Variants in SCP2 observed in about 807,000 individuals in gnomAD.
SCP2 encodes sterol carrier protein 2.
Under a neutral mutation model 71.4 loss-of-function variants are expected in SCP2, and 48 were observed. The ratio of observed to expected loss-of-function variants is 0.67; its 90% confidence interval spans 0.53 to 0.86. SCP2 has a LOEUF of 0.86. SCP2 is among the 40% of genes least tolerant of loss of function. SCP2 has a pLI of 0.00. For synonymous variants in SCP2, 220 were observed against 218.1 expected (o/e 1.01, Z -0.08); for missense variants, 560 against 655.6 (o/e 0.85, Z 1.59).
chr1:52,994,387 C>A, intron 11 of SCP2: 1 of 608,458 alleles, frequency 1.6e-6, no homozygotes, highest in Non-Finnish European at 2.1e-6. Context: ...ACTTTTTTCT[C>A]TTCTGAAATA....
chr1:52,927,390 T>C lies in SCP2; in HGVS notation c.-7T>C. The C allele has an allele frequency of 1.3e-6, 2 of 1,584,770 alleles. No homozygotes were observed. The highest frequency in any genetic ancestry group is 1.7e-6 in the Non-Finnish European group (2 of 1,166,730). Reference sequence around the variant, plus strand: ...GGCGCCCGCCCCGGTCCCGCACTGGTGCAGCCATGTCCTCTTCCCCGTGGG... The same window carrying C: ...GGCGCCCGCCCCGGTCCCGCACTGGCGCAGCCATGTCCTCTTCCCCGTGGG... On this transcript the variant is annotated 5_prime_UTR_variant, in exon 1 of 16. Transcript: ENST00000371514.
At chr1:53,046,962 T>C (rs1663860851) in intron 14 of SCP2, among the ~76,000 whole-genome samples, 1 of 152,232 alleles carries the variant, frequency 6.6e-6, no homozygotes, top group Non-Finnish European at 1.5e-5. Context: ...GAGGACAGCT[T>C]AGCTGGGTCC....
At chr1:52,950,725 C>A in intron 3 of SCP2, 30 bp from the exon 4 acceptor site, 1 of 1,596,664 alleles carries the variant, frequency 6.3e-7, no homozygotes, top group South Asian at 1.1e-5. Flanking sequence ...CCATAATTCT[C>A]CATATTAAAA....
intron 6 of SCP2, among the ~76,000 whole-genome samples, chr1:52,965,827 T>G (rs954052548): frequency 6.0e-5 from 9 of 150,644 alleles, no homozygotes; most frequent in Non-Finnish European, 1.2e-4. Context: ...TTTTTTTTTA[T>G]TAGAGACCTG....
chr1:52,997,100 T>C (rs1038978269), intron 11 of SCP2, among the ~76,000 whole-genome samples: 1 of 152,258 alleles, frequency 6.6e-6, no homozygotes, highest in Non-Finnish European at 1.5e-5. Flanking sequence ...TTATTCATAA[T>C]AGTCAAAAGC....
intron 5 of SCP2, among the ~76,000 whole-genome samples, chr1:52,960,484 G>A (rs200098542): frequency 1.1e-3 from 48 of 41,784 alleles, no homozygotes; most frequent in East Asian, 7.4e-3. Context: ...ATGTATATGT[G>A]TGTGTGTGTG....
rs139280584 is a variant in SCP2, at chr1:52,961,469, C to G, written c.397-34C>G. On this transcript the variant is annotated intron_variant, in intron 5 of 15. Coordinates refer to ENST00000371514, the MANE Select transcript of SCP2 (RefSeq NM_002979.5). ...GTTTTGAAAGAGACACTTATCATGT[C>G]AGCTGCTTATGAAATTTTGTTCCCC... 1,035 of 1,611,142 alleles carry G rather than the reference C, an allele frequency of 6.4e-4. 15 individuals carry two copies. In the East Asian group the frequency reaches 0.021, roughly 32 times the overall value.
chr1:52,986,892 G>A (rs778475251), intron 10 of SCP2, among the ~76,000 whole-genome samples: 13 of 149,902 alleles, frequency 8.7e-5, no homozygotes, highest in East Asian at 2.0e-4. Context: ...TCTAGATTAC[G>A]TATAATAACT....
intron 1 of SCP2, among the ~76,000 whole-genome samples, chr1:52,934,534 TATAAC>T (rs1471774079): frequency 6.8e-6 from 1 of 146,314 alleles, no homozygotes; most frequent in African/African-American, 2.5e-5. Context: ...AATATTTTAT[TATAAC>T]AGAGTATGAA....
At chr1:52,990,212 A>C (rs1659345318) in intron 11 of SCP2, among the ~76,000 whole-genome samples, 1 of 152,168 alleles carries the variant, frequency 6.6e-6, no homozygotes, top group African/African-American at 2.4e-5. Flanking sequence ...CAAACTGGGA[A>C]AGAGGAGGAT....
At chr1:52,980,614 A>C in intron 10 of SCP2, 71 bp downstream of exon 10, 1 of 1,390,682 alleles carries the variant, frequency 7.2e-7, no homozygotes, top group Non-Finnish European at 1.0e-6. Context: ...ACCGTTAGAT[A>C]AAAGAATTCA....
intron 11 of SCP2, among the ~76,000 whole-genome samples, chr1:53,005,425 C>A (rs1200929985): frequency 6.6e-6 from 1 of 152,134 alleles, no homozygotes; most frequent in Non-Finnish European, 1.5e-5. Flanking sequence ...GATGAAGCAT[C>A]CAAGGGAAGG....
intron 11 of SCP2, among the ~76,000 whole-genome samples, chr1:52,989,940 T>C (rs1028778285): frequency 3.3e-5 from 5 of 152,098 alleles, no homozygotes; most frequent in African/African-American, 1.2e-4. Flanking sequence ...TGGCTAAACT[T>C]GGGGCTCTGC....
chr1:52,989,030 G>C (rs1659240152), intron 11 of SCP2, among the ~76,000 whole-genome samples: 1 of 151,994 alleles, frequency 6.6e-6, no homozygotes, highest in Non-Finnish European at 1.5e-5. Flanking sequence ...CCTTCAAATA[G>C]TGTTATGCCA....
At chr1:53,018,563 G>A (rs1447308624) in intron 12 of SCP2, among the ~76,000 whole-genome samples, 1 of 151,896 alleles carries the variant, frequency 6.6e-6, no homozygotes, top group Non-Finnish European at 1.5e-5. Context: ...ACAACATGGC[G>A]AAACCCCCTC....
intron 14 of SCP2, among the ~76,000 whole-genome samples, chr1:53,043,710 T>C (rs1267270444): frequency 6.6e-6 from 1 of 152,220 alleles, no homozygotes; most frequent in Non-Finnish European, 1.5e-5. Context: ...GCAGCAGCAG[T>C]AGCAGATTTT....
chr1:53,032,410 G>A (rs934992397), intron 13 of SCP2, among the ~76,000 whole-genome samples: 5 of 152,178 alleles, frequency 3.3e-5, no homozygotes, highest in Admixed American at 1.3e-4. Context: ...ATATCTGGTG[G>A]AGATAGAGAC....
chr1:53,021,662 T>TGGG (rs757178786), intron 12 of SCP2, among the ~76,000 whole-genome samples: 14,711 of 145,918 alleles, frequency 0.1, 1,474 homozygotes, highest in African/African-American at 0.23. Context: ...TTTTTTTTTT[T>TGGG]GGGACAGAGT....
intron 6 of SCP2, among the ~76,000 whole-genome samples, chr1:52,965,925 T>TG (rs1430764184): frequency 2.6e-5 from 4 of 152,032 alleles, no homozygotes; most frequent in Non-Finnish European, 5.9e-5. Context: ...GGATTACAGG[T>TG]GTGAGCCACA....
Sources: allele counts gnomAD v4.1 joint callset (sites outside exome capture counted in the v4.1 genomes callset), GRCh38; gene constraint gnomAD v4.1.1; transcripts MANE v1.5; gene names NCBI Gene and HGNC (gene_info 2026-07-23, HGNC 2026-07-21).